Variants in PLK1 observed in about 807,000 individuals in gnomAD.
PLK1 encodes polo like kinase 1.
A neutral mutation model predicts 56.7 loss-of-function variants in PLK1; 6 were observed. The ratio of observed to expected loss-of-function variants is 0.11; its 90% CI spans 0.06 to 0.21. PLK1 has a LOEUF of 0.21. Among genes scored for constraint, PLK1 ranks in the 10% least tolerant of loss-of-function variants. PLK1 has a pLI of 1.00. For missense variants in PLK1, 546 were observed against 814.4 expected (o/e 0.67, Z 4.01); for synonymous variants, 298 against 325.0 (o/e 0.92, Z 0.89).
Position 23,688,685 on chromosome 16 carries a change from G to C in PLK1, c.1210G>C (p.Ala404Pro). The change falls in exon 7 of 10, where the codon GCC (alanine) becomes CCC (proline). Residue 404 changes from alanine to proline, a missense_variant. This residue lies in a region of PLK1 where 157 missense variants were observed against 184.0 expected (regional missense o/e 0.85). Coordinates refer to ENST00000300093, the MANE Select transcript of PLK1 (RefSeq NM_005030.6). ...LVRQEEAEDP[A>P]CIPIFWVSKW... ...TGTCTCAGAGGAGGCTGAGGATCCTGCCTGCATCCCCATCTTCTGGGTCAG... is the reference window on the plus strand; with the variant it reads ...TGTCTCAGAGGAGGCTGAGGATCCTCCCTGCATCCCCATCTTCTGGGTCAG... 3.1e-6 allele frequency: 5 copies of C among 1,613,854 alleles called. No homozygotes were observed. Among genetic ancestry groups the C allele is most frequent in the Non-Finnish European group, 3.4e-6 (4 of 1,179,670 alleles).
In PLK1 at chr16:23,687,634, G is replaced by T. The variant is rs376058249; in HGVS notation, c.1192+10G>T. Reference sequence around the variant, plus strand: ...GGGCTGGTCAGGCAAGGTGGGTACTGCGGGGCCCTGGGCGGGGCAGGATTG... The same window carrying T: ...GGGCTGGTCAGGCAAGGTGGGTACTTCGGGGCCCTGGGCGGGGCAGGATTG... On this transcript the variant is annotated intron_variant, in intron 6 of 9. Transcript: ENST00000300093. The T allele has an allele frequency of 5.2e-6, 8 of 1,546,668 alleles. No individual in the cohort carries two copies. The African/African-American group carries it at 1.1e-4, about 21-fold the overall frequency.
chr16:23,687,368 A>G (rs2141000335), intron 5 of PLK1, 101 bp from the exon 6 acceptor site: 1 of 996,350 alleles, frequency 1.0e-6, no homozygotes, highest in Non-Finnish European at 1.5e-6. Flanking sequence ...AGTTTCCCCA[A>G]AGCAGTGGTA....
At chr16:23,688,125 T>C (rs1414879685) in intron 6 of PLK1, among the ~76,000 whole-genome samples, 1 of 152,166 alleles carries the variant, frequency 6.6e-6, no homozygotes, top group Non-Finnish European at 1.5e-5. Flanking sequence ...ATGTCCTTCT[T>C]TGTTTATTGG....
intron 2 of PLK1, 134 bp downstream of exon 2, chr16:23,680,386 A>G (rs1196738704): frequency 3.0e-6 from 2 of 662,318 alleles, no homozygotes; most frequent in African/African-American, 1.8e-5. Context: ...TTGTGCCCCA[A>G]TGCAATATTT....
chr16:23,679,840 C>T (rs1959303835), intron 1 of PLK1: 1 of 396,390 alleles, frequency 2.5e-6, no homozygotes, highest in African/African-American at 2.0e-5. Flanking sequence ...AGGGGGGAAG[C>T]TAGTAGGAGA....
chr16:23,686,023 T>C (rs933326057), intron 5 of PLK1, among the ~76,000 whole-genome samples: 1 of 152,206 alleles, frequency 6.6e-6, no homozygotes, highest in Admixed American at 6.5e-5. Context: ...AAAGGATTAC[T>C]TATTTCTCTG....
intron 5 of PLK1, among the ~76,000 whole-genome samples, chr16:23,686,241 C>A (rs942440559): frequency 2.6e-5 from 4 of 151,986 alleles, no homozygotes; most frequent in African/African-American, 7.2e-5. Context: ...GTCTTGCCCA[C>A]ACTGGTCTCA....
At chr16:23,687,689 G>T (rs1243476896) in intron 6 of PLK1, 65 bp downstream of exon 6, 2 of 1,288,054 alleles carry the variant, frequency 1.6e-6, no homozygotes, top group African/African-American at 3.0e-5. Flanking sequence ...GCAGGAGGAG[G>T]CTTGGCCAAC....
Position 23,688,726 on chromosome 16 carries a change from T to C in PLK1, c.1251T>C (p.Tyr417=). Residue 417 remains tyrosine (Y), a synonymous_variant, in exon 7 of 10, where the codon TAT becomes TAC. Transcript: ENST00000300093. ...TCTGGGTCAGCAAGTGGGTGGACTA[T>C]TCGGACAAGTACGGCCTTGGTAGGT... ...PIFWVSKWVD[Y]SDKYGLGYQL... The C allele has an allele frequency of 1.2e-6, 2 of 1,613,552 alleles. No individual in the cohort carries two copies. Among genetic ancestry groups the C allele is most frequent in the African/African-American group, 2.7e-5 (2 of 75,052 alleles).
chr16:23,682,675 ACC>A (rs1959352466), intron 4 of PLK1, among the ~76,000 whole-genome samples: 1 of 139,038 alleles, frequency 7.2e-6, no homozygotes, highest in African/African-American at 2.7e-5. Context: ...GGCACCCACC[ACC>A]TCGCCTGGCT....
At chr16:23,684,900 C>T (rs570556127) in intron 5 of PLK1, among the ~76,000 whole-genome samples, 6 of 147,270 alleles carry the variant, frequency 4.1e-5, no homozygotes, top group South Asian at 2.2e-4. Flanking sequence ...CCTCGTGATC[C>T]GCCTGCCTCG....
Position 23,689,924 on chromosome 16 carries a change from A to T in PLK1, c.1673A>T (p.Asp558Val). 6.2e-7 allele frequency: 1 copy of T among 1,614,044 alleles called. No homozygotes were observed. Among genetic ancestry groups the T allele is most frequent in the Non-Finnish European group, 8.5e-7 (1 of 1,179,996 alleles). Residue 558 changes from aspartate (D) to valine (V), a missense_variant, in exon 10 of 10, where the codon GAC (aspartate) becomes GTC (valine). Coordinates refer to ENST00000300093, the MANE Select transcript of PLK1 (RefSeq NM_005030.6). This position sits in a 1 kb window ranked among gnomAD's most constrained non-coding sequence, Gnocchi z 4.8. ...GTGACCTACATCGACGAGAAGCGGGACTTCCGCACATACCGCCTGAGTCTC... is the reference window on the plus strand; with the variant it reads ...GTGACCTACATCGACGAGAAGCGGGTCTTCCGCACATACCGCCTGAGTCTC... Reference protein sequence around the residue: ...AAVTYIDEKRDFRTYRLSLLE... With the variant: ...AAVTYIDEKRVFRTYRLSLLE...
rs1489046989 is a variant in PLK1 at position 23,679,251 on chromosome 16, A to G, written c.319A>G (p.Ser107Gly). ...KMSMEISIHR[S>G]LAHQHVVGFH... ...GTCCATGGAAATATCCATTCACCGC[A>G]GCCTCGCCCACCAGCACGTCGTAGG... The change falls in exon 1 of 10, where the codon AGC becomes GGC. Residue 107 changes from serine (S) to glycine (G), a missense_variant. Physicochemically the swap from Ser to Gly is moderately conservative, Grantham distance 56. Around this residue, in one of 7 missense-constraint regions of PLK1, gnomAD observed 111 missense variants for 211.8 expected, o/e 0.52. Coordinates refer to ENST00000300093, the MANE Select transcript of PLK1 (RefSeq NM_005030.6). 4 of 1,614,128 alleles carry G rather than the reference A, an allele frequency of 2.5e-6. No individual in the cohort carries two copies. Among genetic ancestry groups the G allele is most frequent in the Non-Finnish European group, 3.4e-6 (4 of 1,180,026 alleles).
In PLK1 at chr16:23,689,360, G is replaced by T; in HGVS notation, c.1393G>T (p.Val465Leu). The T allele has an allele frequency of 1.9e-6, 3 of 1,612,802 alleles. No homozygotes were observed. Residue 465 changes from valine (V) to leucine (L), a missense_variant, in exon 8 of 10, where the codon GTG becomes TTG. Val to Leu is a conservative substitution (Grantham distance 32). Around this residue, in one of 7 missense-constraint regions of PLK1, gnomAD observed 113 missense variants for 202.0 expected, o/e 0.56. Coordinates refer to ENST00000300093, the MANE Select transcript of PLK1 (RefSeq NM_005030.6). The surrounding 1 kb of genome is among the most constrained non-coding windows in gnomAD (Gnocchi z 4.8). The stretch of plus-strand genomic sequence containing the variant: ...TGACGGCACTGAGTCCTACCTCACC[G>T]TGAGTTCCCATCCCAACTCCTTGAT... ...ERDGTESYLT[V>L]SSHPNSLMKK...
At chr16:23,682,684 G>T (rs1959352831) in intron 4 of PLK1, among the ~76,000 whole-genome samples, 1 of 149,956 alleles carries the variant, frequency 6.7e-6, no homozygotes, top group Non-Finnish European at 1.5e-5. Flanking sequence ...CACCTCGCCT[G>T]GCTTTTTTTT....
chr16:23,685,600 C>T (rs1269714888), intron 5 of PLK1, among the ~76,000 whole-genome samples: 1 of 151,862 alleles, frequency 6.6e-6, no homozygotes, highest in African/African-American at 2.4e-5. Context: ...CTCAGCTACT[C>T]GGGACACTGA....
chr16:23,682,985 C>CTTTTTTT (rs1031796646), intron 4 of PLK1, among the ~76,000 whole-genome samples: 457 of 91,398 alleles, frequency 5.0e-3, no homozygotes, highest in Middle Eastern at 0.011. Context: ...TGTGCATTTT[C>CTTTTTTT]TTTTTTTTTT....
Position 23,683,938 on chromosome 16 carries a change from C to G in PLK1, c.885C>G (p.Thr295=), listed in dbSNP as rs1258784974. 6.2e-7 allele frequency: 1 copy of G among 1,614,190 alleles called. No individual in the cohort carries two copies. Among genetic ancestry groups the G allele is most frequent in the Non-Finnish European group, 8.5e-7 (1 of 1,180,024 alleles). The change falls in exon 5 of 10, where the codon ACC becomes ACG. Residue 295 remains threonine (T), a synonymous_variant. Coordinates refer to ENST00000300093, the MANE Select transcript of PLK1 (RefSeq NM_005030.6). ...MLQTDPTARP[T]INELLNDEFF... is the part of the protein sequence containing the mutation. ...AGACAGATCCCACTGCCCGCCCAAC[C>G]ATTAACGAGCTGCTTAATGACGAGT...
In PLK1 at chr16:23,687,838, C is replaced by T. The variant is rs892008456; in HGVS notation, c.1192+214C>T. The T allele has an allele frequency of 2.1e-5, 8 of 374,982 alleles. No homozygotes were observed. In the East Asian group the frequency reaches 3.1e-4, roughly 15 times the overall value. The allele number at this position is 374,982 out of a possible 1,614,324, so 23.2% of individuals were successfully genotyped here. On this transcript the variant is annotated intron_variant, in intron 6 of 9. Coordinates refer to ENST00000300093, the MANE Select transcript of PLK1 (RefSeq NM_005030.6). ...TTTACTCTAGCACCTCGATGTGCCA[C>T]CTTCATACGCTGTTTCTTTTGCTCA...
Sources: gnomAD v4.1 joint callset for allele counts (sites outside exome capture counted in the v4.1 genomes callset) on GRCh38, gnomAD v4.1.1 for gene constraint, gnomAD v4.1.1 regional missense constraint, Gnocchi (gnomAD v3.1) non-coding constraint, MANE v1.5 for transcripts, NCBI Gene and HGNC (gene_info 2026-07-23, HGNC 2026-07-21) for gene names.